GADL1: variants seen among roughly 807,000 people sequenced by gnomAD.
The protein encoded by GADL1 is acidic amino acid decarboxylase GADL1.
In GADL1, 71 loss-of-function variants were observed where a neutral mutation model predicts 69.5. That is an observed-to-expected ratio of 1.02 (90% CI 0.84 to 1.25). The LOEUF (loss-of-function observed/expected upper bound fraction) is 1.25. GADL1 is among the 50% of genes most tolerant of loss of function. GADL1 has a pLI of 0.00. For synonymous variants in GADL1, 254 were observed against 214.4 expected (o/e 1.18, Z -1.62); for missense variants, 737 against 631.8 (o/e 1.17, Z -1.79).
intron 14 of GADL1, among the ~76,000 whole-genome samples, chr3:30,768,990 CTT>C (rs1167007314): frequency 6.6e-6 from 1 of 152,152 alleles, no homozygotes; most frequent in Non-Finnish European, 1.5e-5. Flanking sequence ...GGGGTCTATT[CTT>C]TGTTTTTGCA....
chr3:30,770,635 A>G (rs1696394925), intron 14 of GADL1, among the ~76,000 whole-genome samples: 1 of 152,086 alleles, frequency 6.6e-6, no homozygotes, highest in Non-Finnish European at 1.5e-5. Context: ...ATTCCTGAGA[A>G]CTGGTCTCAT....
intron 4 of GADL1, among the ~76,000 whole-genome samples, chr3:30,853,708 C>G (rs556306487): frequency 2.0e-5 from 3 of 152,194 alleles, no homozygotes; most frequent in Non-Finnish European, 4.4e-5. Context: ...GGAGTCTTCT[C>G]CCTTTTACTG....
intron 2 of GADL1, 130 bp downstream of exon 2, chr3:30,861,463 A>T: frequency 1.5e-6 from 1 of 657,436 alleles, no homozygotes; most frequent in East Asian, 2.8e-5. Context: ...ATATCTGGAC[A>T]TCCTTTTGAG....
chr3:30,811,902 C>T (rs1697363779), intron 11 of GADL1, among the ~76,000 whole-genome samples: 1 of 152,128 alleles, frequency 6.6e-6, no homozygotes, highest in African/African-American at 2.4e-5. Context: ...TAAAATGTTT[C>T]CCAGTGATGC....
In GADL1 at chr3:30,888,899, A is replaced by C. The variant is rs1288924851; in HGVS notation, c.37+5679T>G. Among the ~76,000 whole-genome samples the C allele has an allele frequency of 4.6e-5, 7 of 151,928 alleles. No individual in the cohort carries two copies. In the East Asian group the frequency reaches 1.2e-3, roughly 25 times the overall value. Reference sequence around the variant, plus strand: ...GCAACCAGATGTTAGAAAGAAAACAATGTCATATGTTCCCAGAAACAGTGC... The same window carrying C: ...GCAACCAGATGTTAGAAAGAAAACACTGTCATATGTTCCCAGAAACAGTGC... On this transcript the variant is annotated intron_variant, in intron 1 of 14. Transcript: ENST00000282538.
chr3:30,875,777 C>A (rs927096175), intron 1 of GADL1, among the ~76,000 whole-genome samples: 3 of 151,814 alleles, frequency 2.0e-5, no homozygotes, highest in African/African-American at 7.2e-5. Flanking sequence ...TCTCTGAAGT[C>A]AAATGCCGTG....
intron 14 of GADL1, among the ~76,000 whole-genome samples, chr3:30,775,256 T>C (rs530402640): frequency 2.0e-5 from 3 of 152,204 alleles, no homozygotes; most frequent in Non-Finnish European, 2.9e-5. Context: ...ATGGAAGATT[T>C]ATCGCACCAG....
intron 12 of GADL1, among the ~76,000 whole-genome samples, chr3:30,786,611 A>C (rs560489722): frequency 1.2e-4 from 18 of 152,308 alleles, no homozygotes; most frequent in Non-Finnish European, 1.2e-4. Flanking sequence ...CATCTTTTTG[A>C]TGATGATATC....
intron 1 of GADL1, among the ~76,000 whole-genome samples, chr3:30,874,140 G>C (rs1055124534): frequency 6.6e-6 from 1 of 151,910 alleles, no homozygotes; most frequent in African/African-American, 2.4e-5. Flanking sequence ...AGTGAAGTAG[G>C]TAGTGAAGAG....
chr3:30,751,349 G>A (rs747640418), intron 14 of GADL1, among the ~76,000 whole-genome samples: 3 of 151,970 alleles, frequency 2.0e-5, no homozygotes, highest in Non-Finnish European at 2.9e-5. Context: ...GCCGCTTGCT[G>A]GTGTTTGTTT....
At chr3:30,833,047 C>A (rs752440301) in intron 11 of GADL1, among the ~76,000 whole-genome samples, 10 of 151,966 alleles carry the variant, frequency 6.6e-5, no homozygotes, top group Non-Finnish European at 1.5e-4. Flanking sequence ...AATAAAATTC[C>A]TTAAAAACAG....
At chr3:30,875,537 G>T (rs527313464) in intron 1 of GADL1, among the ~76,000 whole-genome samples, 2 of 151,812 alleles carry the variant, frequency 1.3e-5, no homozygotes, top group African/African-American at 4.8e-5. Flanking sequence ...ATCAGATGTC[G>T]CACACAACAT....
intron 4 of GADL1, among the ~76,000 whole-genome samples, chr3:30,851,976 A>G (rs922295911): frequency 6.6e-6 from 1 of 152,164 alleles, no homozygotes; most frequent in African/African-American, 2.4e-5. Context: ...GGGTGACTAC[A>G]TATCTATGAT....
intron 11 of GADL1, among the ~76,000 whole-genome samples, chr3:30,807,996 C>T (rs901321910): frequency 2.0e-5 from 3 of 152,122 alleles, no homozygotes; most frequent in African/African-American, 7.2e-5. Context: ...TGTGCCACTG[C>T]ACTCCAGCCT....
At chr3:30,829,737 T>C (rs992564744) in intron 11 of GADL1, among the ~76,000 whole-genome samples, 3 of 151,956 alleles carry the variant, frequency 2.0e-5, no homozygotes. Context: ...GTGGGTTTTT[T>C]TTCCCCTTTT....
At chr3:30,846,105 G>T (rs976492568) in intron 6 of GADL1, among the ~76,000 whole-genome samples, 1 of 151,138 alleles carries the variant, frequency 6.6e-6, no homozygotes, top group African/African-American at 2.4e-5. Context: ...ACATCTGAAA[G>T]CTTCAGAGAA....
In GADL1 at chr3:30,849,976, A is replaced by G. The variant is rs112333202; in HGVS notation, c.651+20T>C. ...TGCTTTCTCAGAAAATCTATATTCA[A>G]TACCAAAAATAATTTTTACCTCTGC... On this transcript the variant is annotated intron_variant, in intron 6 of 14. Transcript: ENST00000282538. The G allele has an allele frequency of 2.2e-6, 3 of 1,370,304 alleles. No individual in the cohort carries two copies. The highest frequency in any genetic ancestry group is 3.1e-6 in the Non-Finnish European group (3 of 960,998). The allele number at this position is 1,370,304 out of a possible 1,614,324, so 84.9% of individuals were successfully genotyped here.
intron 13 of GADL1, among the ~76,000 whole-genome samples, chr3:30,781,234 AC>A (rs1696659110): frequency 6.6e-6 from 1 of 152,214 alleles, no homozygotes; most frequent in South Asian, 2.1e-4. Flanking sequence ...TACATTCTAT[AC>A]CGGTTTTCAA....
intron 14 of GADL1, among the ~76,000 whole-genome samples, chr3:30,758,146 C>T (rs1696024194): frequency 6.6e-6 from 1 of 152,196 alleles, no homozygotes; most frequent in South Asian, 2.1e-4. Flanking sequence ...ACTACTCTCT[C>T]CAACCATCAA....
Sources: gnomAD v4.1 joint callset for allele counts (sites outside exome capture counted in the v4.1 genomes callset) on GRCh38, gnomAD v4.1.1 for gene constraint, MANE v1.5 for transcripts, NCBI Gene and HGNC (gene_info 2026-07-23, HGNC 2026-07-21) for gene names.